NAALADL2: variants seen among roughly 807,000 people sequenced by gnomAD.
NAALADL2 encodes inactive N-acetylated-alpha-linked acidic dipeptidase-like protein 2.
Under a neutral mutation model 87.2 loss-of-function variants are expected in NAALADL2, and 76 were observed. The observed-to-expected ratio is 0.87, with a 90% CI of 0.72 to 1.05. NAALADL2 has a LOEUF of 1.05. Among genes scored for constraint, NAALADL2 ranks in the 50% least tolerant of loss-of-function variants. The pLI is 0.00. For missense variants in NAALADL2, 1,089 were observed against 945.8 expected, an observed-to-expected ratio of 1.15 and a Z score of -1.99; for synonymous variants, 354 against 331.0, an observed-to-expected ratio of 1.07 and a Z score of -0.75.
At chr3:175,054,430 C>G (rs1711675747) in intron 1 of NAALADL2, among the ~76,000 whole-genome samples, 1 of 152,158 alleles carries the variant, frequency 6.6e-6, no homozygotes, top group Non-Finnish European at 1.5e-5. Flanking sequence ...CTGTAATGCT[C>G]CCGTGGGTTG....
At chr3:175,247,045 T>C (rs1748126197) in intron 3 of NAALADL2, among the ~76,000 whole-genome samples, 1 of 152,236 alleles carries the variant, frequency 6.6e-6, no homozygotes, top group African/African-American at 2.4e-5. Context: ...TTTGACCATG[T>C]AATGTATTAG....
In NAALADL2 at chr3:174,739,436, G is replaced by T. The variant is rs141914860; in HGVS notation, c.-9+1690G>T. On this transcript the variant is annotated intron_variant, in intron 3 of 3. Coordinates refer to the NAALADL2 transcript ENST00000434257. The stretch of plus-strand genomic sequence containing the variant: ...TTTAATGATAAAGAGAGAATTATAA[G>T]GAGCTAGGATCTCTATGGTTTCATT... Among the ~76,000 whole-genome samples, 81 of 152,166 alleles carry T rather than the reference G, an allele frequency of 5.3e-4. 1 individual carries two copies. The East Asian group carries it at 0.015, about 28-fold the overall frequency.
intron 3 of NAALADL2, among the ~76,000 whole-genome samples, chr3:174,811,421 G>A (rs1484135674): frequency 6.6e-6 from 1 of 152,168 alleles, no homozygotes; most frequent in East Asian, 1.9e-4. Flanking sequence ...CCCTGGATGT[G>A]AGACATAGAG....
intron 2 of NAALADL2, among the ~76,000 whole-genome samples, chr3:174,649,042 C>A (rs13080793): frequency 0.31 from 47,010 of 151,870 alleles, 7,740 homozygotes; most frequent in East Asian, 0.57. Flanking sequence ...CTCACTGCAA[C>A]CTCTGCCTCC....
chr3:175,337,718 C>A (rs994752481), intron 5 of NAALADL2, among the ~76,000 whole-genome samples: 1 of 152,110 alleles, frequency 6.6e-6, no homozygotes. Context: ...CAAAAACAAA[C>A]AAACAAACAG....
chr3:174,810,127 C>T (rs946082633), intron 3 of NAALADL2, among the ~76,000 whole-genome samples: 5 of 152,120 alleles, frequency 3.3e-5, no homozygotes, highest in African/African-American at 9.7e-5. Context: ...GATCCATTCT[C>T]ATGTATTCCT....
chr3:175,247,853 C>A (rs935185963), intron 3 of NAALADL2, among the ~76,000 whole-genome samples: 1 of 152,156 alleles, frequency 6.6e-6, no homozygotes, highest in Non-Finnish European at 1.5e-5. Flanking sequence ...CATAACAGGC[C>A]ATGCAAGAAT....
At chr3:175,210,721 G>C (rs1372417151) in intron 2 of NAALADL2, among the ~76,000 whole-genome samples, 2 of 151,378 alleles carry the variant, frequency 1.3e-5, no homozygotes, top group Admixed American at 6.6e-5. Context: ...TTACATGACT[G>C]TACAACTCTA....
intron 2 of NAALADL2, among the ~76,000 whole-genome samples, chr3:174,645,670 C>T (rs751082372): frequency 8.6e-5 from 13 of 151,862 alleles, no homozygotes; most frequent in African/African-American, 1.2e-4. Flanking sequence ...GATCTTGGGT[C>T]GATTTAAACA....
At chr3:174,613,460 C>A (rs1720142477) in intron 2 of NAALADL2, among the ~76,000 whole-genome samples, 2 of 152,302 alleles carry the variant, frequency 1.3e-5, no homozygotes, top group South Asian at 4.1e-4. Context: ...ACTTAGTGTG[C>A]TATCGTAGTG....
chr3:174,879,511 C>G lies in NAALADL2; in HGVS notation c.43+20061C>G, dbSNP rs79684727. The stretch of plus-strand genomic sequence containing the variant: ...TTTTTTCCTACGGAGGTAAATGCCT[C>G]ATTCATAATTTTGAAATGTAAATTA... On this transcript the variant is annotated intron_variant, in intron 1 of 13. Coordinates refer to ENST00000454872, the MANE Select transcript of NAALADL2 (RefSeq NM_207015.3). Among the ~76,000 whole-genome samples, 1,088 of 152,168 alleles carry G rather than the reference C, an allele frequency of 7.1e-3. 4 individuals are homozygous for G. Among genetic ancestry groups the G allele is most frequent in the South Asian group, 0.027 (129 of 4,826 alleles).
upstream of NAALADL2, among the ~76,000 whole-genome samples, chr3:174,854,892 T>C (rs1228072681): frequency 6.8e-6 from 1 of 146,928 alleles, no homozygotes; most frequent in African/African-American, 2.5e-5. Context: ...GGCTGAAGTA[T>C]AGTGGCATGA....
chr3:174,796,614 C>T lies in NAALADL2; in HGVS notation c.-9+58868C>T, dbSNP rs576441239. Reference sequence around the variant, plus strand: ...GTATATGTATATCACATTTTGAATCCGTTCATGTGGATGGACACTTAGGTT... The same window carrying T: ...GTATATGTATATCACATTTTGAATCTGTTCATGTGGATGGACACTTAGGTT... On this transcript the variant is annotated intron_variant, in intron 3 of 3. Transcript: ENST00000434257. Among the ~76,000 whole-genome samples, 9 of 134,588 alleles carry T rather than the reference C, an allele frequency of 6.7e-5. No homozygotes were observed. The South Asian group carries it at 1.2e-3, about 17-fold the overall frequency. 88.3% of individuals were successfully genotyped at this position (134,588 alleles called of 152,430 possible).
chr3:175,301,314 T>A (rs771425373), intron 4 of NAALADL2, among the ~76,000 whole-genome samples: 49 of 152,194 alleles, frequency 3.2e-4, no homozygotes, highest in South Asian at 8.3e-4. Context: ...TTAGGAGAAA[T>A]ACCTAACGTA....
At chr3:175,070,282 A>AT (rs561150308) in intron 1 of NAALADL2, among the ~76,000 whole-genome samples, 16,738 of 151,742 alleles carry the variant, frequency 0.11, 1,042 homozygotes, top group East Asian at 0.21. Flanking sequence ...AAAAGTATAA[A>AT]TTTTTATTTT....
chr3:174,459,937 C>T (rs1716091270), intron 1 of NAALADL2, among the ~76,000 whole-genome samples: 1 of 152,000 alleles, frequency 6.6e-6, no homozygotes, highest in African/African-American at 2.4e-5. Flanking sequence ...AAAAGGAAAC[C>T]TACTTTATAG....
intron 3 of NAALADL2, among the ~76,000 whole-genome samples, chr3:174,771,866 G>A (rs1714608125): frequency 6.6e-6 from 1 of 152,114 alleles, no homozygotes; most frequent in Non-Finnish European, 1.5e-5. Flanking sequence ...ATGACTAACT[G>A]GCTTTGAAAA....
chr3:174,895,267 A>T (rs1316127418), intron 1 of NAALADL2, among the ~76,000 whole-genome samples: 1 of 152,100 alleles, frequency 6.6e-6, no homozygotes, highest in Non-Finnish European at 1.5e-5. Context: ...ACTTAAAAAA[A>T]AATTGACAAA....
intron 2 of NAALADL2, among the ~76,000 whole-genome samples, chr3:174,565,345 C>A (rs1432174133): frequency 6.6e-6 from 1 of 151,982 alleles, no homozygotes; most frequent in Non-Finnish European, 1.5e-5. Flanking sequence ...TCCCTTCCCC[C>A]AAATCCTTGG....
Sources: gnomAD v4.1 joint callset for allele counts (sites outside exome capture counted in the v4.1 genomes callset) on GRCh38, gnomAD v4.1.1 for gene constraint, MANE v1.5 for transcripts, NCBI Gene and HGNC (gene_info 2026-07-23, HGNC 2026-07-21) for gene names.